The following CCSER1 variants were observed in gnomAD, a reference collection of about 807,000 sequenced individuals.
The protein encoded by CCSER1 is serine-rich coiled-coil domain-containing protein 1.
In CCSER1, 41 loss-of-function variants were observed where a neutral mutation model predicts 82.0. The observed-to-expected ratio is 0.50, with a 90% CI of 0.39 to 0.65. The LOEUF is 0.65. Among genes scored for constraint, CCSER1 ranks in the 30% least tolerant of loss-of-function variants. CCSER1 has a pLI of 0.00. For synonymous variants in CCSER1, 414 were observed against 383.9 expected (o/e 1.08, Z -0.92); for missense variants, 1,119 against 1,064.2 (o/e 1.05, Z -0.72).
chr4:91,367,570 C>A (rs2149319922), intron 10 of CCSER1, among the ~76,000 whole-genome samples: 2 of 151,686 alleles, frequency 1.3e-5, no homozygotes, highest in Middle Eastern at 6.8e-3. Context: ...GCCCTCTTTG[C>A]TCTTTACCAG....
chr4:91,576,861 A>G (rs1284329065), intron 10 of CCSER1, among the ~76,000 whole-genome samples: 5 of 151,980 alleles, frequency 3.3e-5, no homozygotes, highest in African/African-American at 4.8e-5. Flanking sequence ...TACTTAACCT[A>G]TATTTTCAGC....
chr4:90,529,844 C>T (rs911282330), intron 5 of CCSER1, among the ~76,000 whole-genome samples: 2 of 151,686 alleles, frequency 1.3e-5, no homozygotes, highest in East Asian at 1.9e-4. Context: ...TTTTAGGGAA[C>T]GTTGCTCTAT....
At chr4:91,401,726 A>C (rs1752347383) in intron 10 of CCSER1, among the ~76,000 whole-genome samples, 1 of 152,128 alleles carries the variant, frequency 6.6e-6, no homozygotes, top group Non-Finnish European at 1.5e-5. Flanking sequence ...AAAGGACATG[A>C]ACTCATCCTT....
intron 3 of CCSER1, among the ~76,000 whole-genome samples, chr4:90,335,498 A>G (rs1011427405): frequency 5.9e-5 from 9 of 152,180 alleles, no homozygotes; most frequent in Non-Finnish European, 8.8e-5. Context: ...TTTTCCTAAT[A>G]CCTAAGAATA....
At chr4:90,559,765 G>C (rs1023965203) in intron 5 of CCSER1, among the ~76,000 whole-genome samples, 1 of 135,900 alleles carries the variant, frequency 7.4e-6, no homozygotes, top group South Asian at 2.3e-4. Flanking sequence ...CGCCGAGATC[G>C]CGCCACTGCA....
intron 1 of CCSER1, among the ~76,000 whole-genome samples, chr4:90,268,305 G>A (rs1725610462): frequency 6.6e-6 from 1 of 152,054 alleles, no homozygotes; most frequent in Non-Finnish European, 1.5e-5. Flanking sequence ...GTAGAAAGAT[G>A]AAAAGATGAA....
chr4:91,380,945 G>T (rs960921108), intron 10 of CCSER1, among the ~76,000 whole-genome samples: 1 of 152,066 alleles, frequency 6.6e-6, no homozygotes, highest in African/African-American at 2.4e-5. Flanking sequence ...AGGCCTAGTG[G>T]TGACAAAATC....
At chr4:90,602,749 A>G (rs1264514839) in intron 5 of CCSER1, among the ~76,000 whole-genome samples, 2 of 152,172 alleles carry the variant, frequency 1.3e-5, no homozygotes, top group Non-Finnish European at 2.9e-5. Flanking sequence ...TGGGGACAAT[A>G]TAGAAGAGTG....
intron 10 of CCSER1, among the ~76,000 whole-genome samples, chr4:91,545,763 C>T (rs1761859028): frequency 6.6e-6 from 1 of 151,998 alleles, no homozygotes; most frequent in Non-Finnish European, 1.5e-5. Flanking sequence ...CCCTCCTAGT[C>T]TATATAACTT....
chr4:90,480,830 C>G (rs192867419), intron 5 of CCSER1, among the ~76,000 whole-genome samples: 3 of 152,236 alleles, frequency 2.0e-5, no homozygotes, highest in African/African-American at 7.2e-5. Context: ...CAGCTTTGTT[C>G]TTTTGGCTTA....
chr4:91,039,785 T>TAC (rs149742434), intron 9 of CCSER1, among the ~76,000 whole-genome samples: 6 of 151,586 alleles, frequency 4.0e-5, no homozygotes, highest in African/African-American at 1.5e-4. Context: ...GTGATATATA[T>TAC]ACACACACAC....
chr4:90,725,512 T>C (rs1191453401), intron 7 of CCSER1, among the ~76,000 whole-genome samples: 1 of 151,484 alleles, frequency 6.6e-6, no homozygotes, highest in Non-Finnish European at 1.5e-5. Context: ...ATTTACTCCT[T>C]TTGTGAAAGG....
At chr4:91,046,116 A>T (rs1742459389) in intron 9 of CCSER1, among the ~76,000 whole-genome samples, 1 of 152,090 alleles carries the variant, frequency 6.6e-6, no homozygotes, top group Non-Finnish European at 1.5e-5. Context: ...GGCCATCTGG[A>T]TGTATATGTG....
rs192830242 is a variant in CCSER1, at chr4:91,313,782, A to G, written c.2217+227788A>G. ...TGACCCAGTCCAAGCCCCCTGACCTATGATTGAGGCCATTTTATACTTCCC... is the reference window on the plus strand; with the variant it reads ...TGACCCAGTCCAAGCCCCCTGACCTGTGATTGAGGCCATTTTATACTTCCC... On this transcript the variant is annotated intron_variant, in intron 10 of 10. Transcript: ENST00000509176. Among the ~76,000 whole-genome samples, 66 of 152,072 alleles carry G rather than the reference A, an allele frequency of 4.3e-4. 1 individual carries two copies. In the East Asian group the frequency reaches 7.0e-3, roughly 16 times the overall value.
intron 1 of CCSER1, among the ~76,000 whole-genome samples, chr4:90,156,622 A>G (rs1213551801): frequency 1.3e-5 from 2 of 152,160 alleles, no homozygotes; most frequent in Admixed American, 6.5e-5. Context: ...CTTTACCATT[A>G]TGTAATGGCC....
rs1753610798 is a variant in CCSER1 at position 91,420,166 on chromosome 4, A to G, written c.2218-178406A>G. On this transcript the variant is annotated intron_variant, in intron 10 of 10. Transcript: ENST00000509176. ...CAATGGTTTCTTGGATATGACTCCCAAAGCACAAGCAACAAAAGCAAAAAT... is the reference window on the plus strand; with the variant it reads ...CAATGGTTTCTTGGATATGACTCCCGAAGCACAAGCAACAAAAGCAAAAAT... 1.3e-5 allele frequency among the ~76,000 whole-genome samples: 2 copies of G among 152,098 alleles called. 1 individual carries two copies. The highest frequency in any genetic ancestry group is 4.8e-5 in the African/African-American group (2 of 41,388).
chr4:91,352,534 G>A (rs554152473), intron 10 of CCSER1, among the ~76,000 whole-genome samples: 15 of 152,136 alleles, frequency 9.9e-5, no homozygotes, highest in South Asian at 2.1e-4. Context: ...GTGAGCCACC[G>A]TGCCCGGCAG....
At chr4:90,882,619 AC>A (rs1458434879) in intron 8 of CCSER1, among the ~76,000 whole-genome samples, 1 of 152,094 alleles carries the variant, frequency 6.6e-6, no homozygotes, top group Non-Finnish European at 1.5e-5. Flanking sequence ...AAGAGCCAAT[AC>A]TTTTATAACT....
At chr4:91,093,813 A>G (rs1022006214) in intron 10 of CCSER1, among the ~76,000 whole-genome samples, 1 of 152,192 alleles carries the variant, frequency 6.6e-6, no homozygotes, top group African/African-American at 2.4e-5. Context: ...AGAGGTCCCC[A>G]TTCAAAAGGC....
Sources: gnomAD v4.1 joint callset for allele counts (sites outside exome capture counted in the v4.1 genomes callset) on GRCh38, gnomAD v4.1.1 for gene constraint, MANE v1.5 for transcripts, NCBI Gene and HGNC (gene_info 2026-07-23, HGNC 2026-07-21) for gene names.